NRXN1: variants seen among roughly 807,000 people sequenced by gnomAD.
NRXN1 encodes neurexin-1.
A neutral mutation model predicts 150.9 loss-of-function variants in NRXN1; 39 were observed. The ratio of observed to expected loss-of-function variants is 0.26; its 90% CI spans 0.20 to 0.34. NRXN1 has a LOEUF of 0.34. NRXN1 is among the 10% of genes least tolerant of loss of function. NRXN1 has a pLI of 1.00. For missense variants in NRXN1, 1,815 were observed against 1,949.9 expected (o/e 0.93, Z 1.30); for synonymous variants, 924 against 757.0 (o/e 1.22, Z -3.62).
intron 17 of NRXN1, among the ~76,000 whole-genome samples, chr2:50,446,060 C>T (rs2086377112): frequency 6.6e-6 from 1 of 151,804 alleles, no homozygotes; most frequent in South Asian, 2.1e-4. Flanking sequence ...TCATATTATT[C>T]TTGATTATAC....
intron 22 of NRXN1, among the ~76,000 whole-genome samples, chr2:49,931,360 C>T (rs1670092914): frequency 6.6e-6 from 1 of 152,072 alleles, no homozygotes; most frequent in Admixed American, 6.5e-5. Context: ...TTTGCTTTCC[C>T]TATGCTTCAA....
At chr2:50,527,034 T>C (rs2092971289) in intron 12 of NRXN1, among the ~76,000 whole-genome samples, 1 of 152,228 alleles carries the variant, frequency 6.6e-6, no homozygotes, top group African/African-American at 2.4e-5. Context: ...TCACATGTCA[T>C]TTGAATAATT....
intron 22 of NRXN1, among the ~76,000 whole-genome samples, chr2:49,939,766 T>C (rs879563802): frequency 8.5e-5 from 13 of 152,156 alleles, no homozygotes; most frequent in Admixed American, 8.5e-4. Context: ...ATGCCAGACA[T>C]TGCAATAAAT....
chr2:50,293,347 T>A (rs909907880), intron 17 of NRXN1, among the ~76,000 whole-genome samples: 3 of 152,160 alleles, frequency 2.0e-5, no homozygotes, highest in African/African-American at 7.2e-5. Context: ...CATATTCACA[T>A]ACTTCTCTGA....
At position 50,902,552 on chromosome 2, in the gene NRXN1, A is replaced by G. The variant is rs1385782791; in HGVS notation, c.832+19317T>C. 2.6e-5 allele frequency among the ~76,000 whole-genome samples: 4 copies of G among 152,184 alleles called. No homozygotes were observed. In the South Asian group the frequency reaches 8.3e-4, roughly 31 times the overall value. ...ATTTTGTTTTCTAATTCAATTTGTG[A>G]GACAGCACTGGATGTATTGAGAAAC... On this transcript the variant is annotated intron_variant, in intron 5 of 22. Transcript: ENST00000401669.
At chr2:49,971,035 G>A (rs1379506949) in intron 21 of NRXN1, among the ~76,000 whole-genome samples, 1 of 152,002 alleles carries the variant, frequency 6.6e-6, no homozygotes, top group African/African-American at 2.4e-5. Flanking sequence ...ATTTTGATAG[G>A]GTGAAATCTC....
rs368561545 is a variant in NRXN1 at position 50,868,255 on chromosome 2, T to C, written c.832+53614A>G. On this transcript the variant is annotated intron_variant, in intron 5 of 22. Coordinates refer to ENST00000401669, the MANE Select transcript of NRXN1 (RefSeq NM_001330078.2). ...TGAAATCATATATTTTGCAGGAACA[T>C]GGTTGGAACTGGAAGTCTTTATGTG... Among the ~76,000 whole-genome samples, 89 of 145,996 alleles carry C rather than the reference T, an allele frequency of 6.1e-4. 2 individuals are homozygous for C. In the South Asian group the frequency reaches 0.014, roughly 23 times the overall value.
At chr2:50,938,947 C>A (rs1384882639) in intron 2 of NRXN1, among the ~76,000 whole-genome samples, 1 of 152,084 alleles carries the variant, frequency 6.6e-6, no homozygotes, top group Non-Finnish European at 1.5e-5. Context: ...CGCGGTGGCT[C>A]ATGCCTATAA....
At chr2:50,689,607 G>A (rs919151848) in intron 5 of NRXN1, among the ~76,000 whole-genome samples, 1 of 152,128 alleles carries the variant, frequency 6.6e-6, no homozygotes, top group East Asian at 1.9e-4. Context: ...GTCTTGCACT[G>A]TCATGTGTTG....
rs1003149511 is a variant in NRXN1, at chr2:50,895,587, C to CT, written c.832+26281dup. On this transcript the variant is annotated intron_variant, in intron 5 of 22. Transcript: ENST00000401669. ...TTGGTTGTTTTTTTTGTTTGTTTGTCTTTTTTTTTTGAGATGGAACTTTGC... is the reference window on the plus strand; with the variant it reads ...TTGGTTGTTTTTTTTGTTTGTTTGTCTTTTTTTTTTTGAGATGGAACTTTGC... 4.6e-3 allele frequency among the ~76,000 whole-genome samples: 643 copies of CT among 138,956 alleles called. 3 individuals are homozygous for CT. Among genetic ancestry groups the CT allele is most frequent in the Non-Finnish European group, 7.2e-3 (449 of 62,528 alleles). The allele number at this position is 138,956 out of a possible 152,430, so 91.2% of individuals were successfully genotyped here. A position where few individuals can be genotyped will look rare whatever the true frequency, so the allele number is the denominator to read the frequency against.
intron 5 of NRXN1, among the ~76,000 whole-genome samples, chr2:50,777,577 A>G (rs1703819474): frequency 2.6e-5 from 4 of 152,308 alleles, no homozygotes; most frequent in South Asian, 4.1e-4. Context: ...CATAAAACCA[A>G]GCATTCCATT....
intron 2 of NRXN1, among the ~76,000 whole-genome samples, chr2:50,969,351 A>G (rs1694643209): frequency 6.6e-6 from 1 of 152,166 alleles, no homozygotes; most frequent in African/African-American, 2.4e-5. Context: ...CTCAAAAAAT[A>G]TTGCTTAATT....
intron 8 of NRXN1, among the ~76,000 whole-genome samples, chr2:50,592,701 G>T (rs1674490056): frequency 6.6e-6 from 1 of 152,164 alleles, no homozygotes; most frequent in South Asian, 2.1e-4. Context: ...GTAATCTATT[G>T]CAGTGAGCTT....
At chr2:50,299,948 C>A (rs918525639) in intron 17 of NRXN1, among the ~76,000 whole-genome samples, 19 of 152,254 alleles carry the variant, frequency 1.2e-4, no homozygotes, top group Middle Eastern at 3.4e-3. Flanking sequence ...AACAAAGGAT[C>A]AAACTCCCAT....
chr2:50,311,127 C>T (rs1247380163), intron 17 of NRXN1, among the ~76,000 whole-genome samples: 1 of 151,994 alleles, frequency 6.6e-6, no homozygotes, highest in Non-Finnish European at 1.5e-5. Flanking sequence ...ATCTATTCTT[C>T]TATTAGATAG....
At chr2:50,859,185 A>G (rs1675724892) in intron 5 of NRXN1, among the ~76,000 whole-genome samples, 1 of 151,730 alleles carries the variant, frequency 6.6e-6, no homozygotes, top group African/African-American at 2.4e-5. Context: ...AAGTGCAATT[A>G]CCTGGCTCTG....
intron 15 of NRXN1, among the ~76,000 whole-genome samples, chr2:50,483,216 G>A (rs79800020): frequency 0.055 from 8,433 of 152,030 alleles, 801 homozygotes; most frequent in African/African-American, 0.19. Context: ...CCATGTCAAC[G>A]TCAGGATCAG....
Position 50,982,101 on chromosome 2 carries a change from A to C in NRXN1, c.772+45401T>G, listed in dbSNP as rs188802355. Among the ~76,000 whole-genome samples, 273 of 152,172 alleles carry C rather than the reference A, an allele frequency of 1.8e-3. 1 individual carries two copies. The highest frequency in any genetic ancestry group is 3.0e-3 in the Non-Finnish European group (204 of 67,982). On this transcript the variant is annotated intron_variant, in intron 2 of 22. Coordinates refer to ENST00000401669, the MANE Select transcript of NRXN1 (RefSeq NM_001330078.2). Reference sequence around the variant, plus strand: ...AATTTCACCATGGATGAAAGAATAAACTTGAAATAACAAATAGGCAAAAAG... The same window carrying C: ...AATTTCACCATGGATGAAAGAATAACCTTGAAATAACAAATAGGCAAAAAG...
At chr2:49,969,652 T>A (rs1677600366) in intron 21 of NRXN1, 1 of 152,066 alleles carries the variant, frequency 6.6e-6, no homozygotes, top group African/African-American at 2.4e-5. Flanking sequence ...GGAAAGAATT[T>A]TGTCTTTGAT....
Sources: gnomAD v4.1 joint callset for allele counts (sites outside exome capture counted in the v4.1 genomes callset) on GRCh38, gnomAD v4.1.1 for gene constraint, MANE v1.5 for transcripts, NCBI Gene and HGNC (gene_info 2026-07-23, HGNC 2026-07-21) for gene names.